Variants in LRRC71 observed in about 807,000 individuals in gnomAD.
LRRC71 encodes the protein leucine-rich repeat-containing protein 71.
Under a neutral mutation model 66.6 loss-of-function variants are expected in LRRC71, and 54 were observed. That is an observed-to-expected ratio of 0.81 (90% CI 0.65 to 1.02). The LOEUF (loss-of-function observed/expected upper bound fraction) is 1.02. Among genes scored for constraint, LRRC71 ranks in the 50% least tolerant of loss-of-function variants. LRRC71 has a pLI of 0.00. For missense variants in LRRC71, 724 were observed against 718.0 expected, an observed-to-expected ratio of 1.01 and a Z score of -0.10; for synonymous variants, 323 against 303.9, an observed-to-expected ratio of 1.06 and a Z score of -0.65.
At chr1:156,927,125 G>A (rs906380047) in intron 5 of LRRC71, 77 bp from the exon 6 acceptor site, 4 of 1,300,712 alleles carry the variant, frequency 3.1e-6, no homozygotes, top group Admixed American at 2.0e-5. Flanking sequence ...TCCCAGAGAC[G>A]CACACTTCCT....
At chr1:156,927,378 G>A in intron 6 of LRRC71, 108 bp downstream of exon 6, 2 of 1,525,940 alleles carry the variant, frequency 1.3e-6, no homozygotes, top group Non-Finnish European at 1.8e-6. Flanking sequence ...AAGGGCCCTC[G>A]ATTTCTGCCC....
intron 9 of LRRC71, 85 bp downstream of exon 9, chr1:156,928,089 C>T: frequency 1.5e-6 from 2 of 1,298,290 alleles, no homozygotes; most frequent in Admixed American, 2.0e-5. Context: ...TTTCAGCAAA[C>T]TGGCCATCCA....
At chr1:156,939,264 C>G in the LRRC71 span, 2 of 425,288 alleles carry the variant, frequency 4.7e-6, no homozygotes, top group Admixed American at 8.0e-5. Flanking sequence ...TTGTGCCAGG[C>G]AGAAAGAAAT....
At position 156,932,469 on chromosome 1, in the gene LRRC71, T is replaced by G; in HGVS notation, c.1487T>G (p.Val496Gly). 1 of 1,613,874 alleles carries G rather than the reference T, an allele frequency of 6.2e-7. No homozygotes were observed. The change falls in exon 14 of 15, where the codon GTG (valine) becomes GGG (glycine). Residue 496 changes from valine (V) to glycine (G), a missense_variant. By Grantham distance (109) the Val-to-Gly change is moderately radical (BLOSUM62 -3). Transcript: ENST00000337428. ...EVGLEGFLAT[V>G]QYQMQFSKAK... ...GGGCTGGAGGGCTTCCTCGCCACGG[T>G]GCAGTATCAGATGCAGTTCTCCAAG...
In LRRC71 at chr1:156,932,512, G is replaced by T; in HGVS notation, c.1530G>T (p.Lys510Asn). Residue 510 changes from lysine to asparagine, a missense_variant, in exon 14 of 15, where the codon AAG becomes AAT. Coordinates refer to ENST00000337428, the MANE Select transcript of LRRC71 (RefSeq NM_144702.3). ...TCTCCAAGGCCAAGAGTGCATCCAAGGGTCCAGTGGGGCTGCTGTGGCTGT... is the reference window on the plus strand; with the variant it reads ...TCTCCAAGGCCAAGAGTGCATCCAATGGTCCAGTGGGGCTGCTGTGGCTGT... ...MQFSKAKSAS[K>N]GPVGLLWLSL... The T allele has an allele frequency of 6.2e-7, 1 of 1,614,000 alleles. No homozygotes were observed. The highest frequency in any genetic ancestry group is 8.5e-7 in the Non-Finnish European group (1 of 1,179,888).
At chr1:156,936,869 G>A (rs751372327), downstream of LRRC71, 31 of 1,614,016 alleles carry the variant, frequency 1.9e-5, no homozygotes, top group Admixed American at 2.7e-4. Flanking sequence ...AGAAGCTAGG[G>A]GCTCCTTAGC....
At chr1:156,922,159 G>A (rs1453432492) in intron 1 of LRRC71, among the ~76,000 whole-genome samples, 1 of 152,114 alleles carries the variant, frequency 6.6e-6, no homozygotes, top group Admixed American at 6.5e-5. Flanking sequence ...GACTTTGGGT[G>A]AAGTTGTGAC....
downstream of LRRC71, chr1:156,937,109 G>A (rs888125108): frequency 1.1e-5 from 17 of 1,566,586 alleles, no homozygotes; most frequent in Non-Finnish European, 1.5e-5. Flanking sequence ...TGATTTAAGG[G>A]TGGCTGGGCG....
chr1:156,932,048 T>C (rs1654445549), intron 13 of LRRC71, 21 bp downstream of exon 13: 1 of 1,552,860 alleles, frequency 6.4e-7, no homozygotes, highest in Non-Finnish European at 8.8e-7. Flanking sequence ...CAACCTCCCC[T>C]GTCCTCCTGT....
chr1:156,930,415 C>T lies in LRRC71; in HGVS notation c.1241-114C>T. On this transcript the variant is annotated intron_variant, in intron 11 of 14. Transcript: ENST00000337428. ...GCCCCCTCCAGCCATTTCTATTGCA[C>T]CCAAACCCAAAGTTGGGGGGTCTCT... 4 of 901,054 alleles carry T rather than the reference C, an allele frequency of 4.4e-6. No homozygotes were observed. The Admixed American group carries it at 9.3e-5, about 21-fold the overall frequency. 55.8% of individuals were successfully genotyped at this position (901,054 alleles called of 1,614,324 possible). A position where few individuals can be genotyped will look rare whatever the true frequency, so the allele number is the denominator to read the frequency against.
At chr1:156,940,246 G>C in the LRRC71 span, 1 of 1,606,384 alleles carries the variant, frequency 6.2e-7, no homozygotes, top group African/African-American at 1.3e-5. Flanking sequence ...TCCATGAACA[G>C]AGGGCCTGGG....
intron 11 of LRRC71, among the ~76,000 whole-genome samples, chr1:156,930,068 C>T (rs1434275441): frequency 1.7e-5 from 2 of 119,666 alleles, no homozygotes; most frequent in Non-Finnish European, 3.4e-5. Flanking sequence ...CTTTTTCTTT[C>T]TTTCTTTCTT....
chr1:156,923,745 G>T (rs956012243), intron 1 of LRRC71, among the ~76,000 whole-genome samples: 1 of 152,246 alleles, frequency 6.6e-6, no homozygotes, highest in African/African-American at 2.4e-5. Context: ...TACCGTGCAC[G>T]CACGCCCGTT....
Position 156,927,189 on chromosome 1 carries a change from C to T in LRRC71, c.594-13C>T, listed in dbSNP as rs1010825768. The T allele has an allele frequency of 1.2e-6, 2 of 1,608,188 alleles. No homozygotes were observed. The highest frequency in any genetic ancestry group is 1.3e-5 in the African/African-American group (1 of 74,786). On this transcript the variant is annotated splice_polypyrimidine_tract_variant and intron_variant, in intron 5 of 14. Transcript: ENST00000337428. ...GTGGTACCTTCTGGTTCTCAGATCT[C>T]CCCTGCCCTCAGGAAGGTGTCTCTG...
the LRRC71 span, chr1:156,939,816 G>A: frequency 6.2e-7 from 1 of 1,613,650 alleles, no homozygotes; most frequent in Non-Finnish European, 8.5e-7. Context: ...CAGAAGGTGT[G>A]GGTGTCAGGT....
At chr1:156,930,292 C>G (rs1654171081) in intron 11 of LRRC71, among the ~76,000 whole-genome samples, 1 of 151,670 alleles carries the variant, frequency 6.6e-6, no homozygotes. Flanking sequence ...GGGGCTTCAC[C>G]ATGTTGGCCA....
chr1:156,934,623 TTGTCA>T (rs1056138634), downstream of LRRC71, among the ~76,000 whole-genome samples: 3 of 151,974 alleles, frequency 2.0e-5, no homozygotes, highest in Admixed American at 6.6e-5. Flanking sequence ...GTTCAGTGTC[TTGTCA>T]TGTTTTCTCC....
rs1457820624 is a variant in LRRC71, at chr1:156,924,004, G to A, written c.216G>A (p.Arg72=). The part of the protein sequence containing the change: ...LETDFAELCT[R]WGYTDFPKVV... ...CCGACTTCGCCGAGCTCTGCACGCG[G>A]TGGGGCTACACGGACTTCCCCAAAG... is the stretch of plus-strand genomic sequence containing the variant. Residue 72 remains arginine (R), a synonymous_variant, in exon 2 of 15, where the codon CGG becomes CGA. Coordinates refer to ENST00000337428, the MANE Select transcript of LRRC71 (RefSeq NM_144702.3). The A allele has an allele frequency of 6.5e-7, 1 of 1,547,430 alleles. No homozygotes were observed. Among genetic ancestry groups the A allele is most frequent in the Admixed American group, 2.0e-5 (1 of 50,696 alleles).
At chr1:156,932,285 T>C in intron 13 of LRRC71, 139 bp from the exon 14 acceptor site, 1 of 714,242 alleles carries the variant, frequency 1.4e-6, no homozygotes, top group Non-Finnish European at 2.4e-6. Context: ...AGTGAAGGGC[T>C]AGGTCAGGGA....
Sources: allele counts gnomAD v4.1 joint callset (sites outside exome capture counted in the v4.1 genomes callset), GRCh38; gene constraint gnomAD v4.1.1; transcripts MANE v1.5; gene names NCBI Gene and HGNC (gene_info 2026-07-23, HGNC 2026-07-21).